The following VPS13C variants were observed in gnomAD, a reference collection of about 807,000 sequenced individuals.
VPS13C encodes intermembrane lipid transfer protein VPS13C.
VPS13C carries 358 observed loss-of-function variants against 456.8 expected under a neutral mutation model. The observed-to-expected ratio is 0.78, with a 90% CI of 0.72 to 0.86. The LOEUF is 0.86. Among genes scored for constraint, VPS13C ranks in the 40% least tolerant of loss-of-function variants. VPS13C has a pLI of 0.00. For missense variants in VPS13C, 4,818 were observed against 4,385.4 expected (o/e 1.10, Z -2.79); for synonymous variants, 1,578 against 1,486.7 (o/e 1.06, Z -1.41).
chr15:61,954,829 C>T (rs962838818), intron 37 of VPS13C, among the ~76,000 whole-genome samples: 5 of 152,120 alleles, frequency 3.3e-5, no homozygotes, highest in African/African-American at 1.2e-4. Flanking sequence ...AAGCGTGACA[C>T]TGTTATACAG....
rs1893747705 is a variant in VPS13C, at chr15:61,853,453, A to G, written c.*1004T>C. 1 of 152,200 alleles carries G rather than the reference A, an allele frequency of 6.6e-6. No individual in the cohort carries two copies. 9.4% of individuals were successfully genotyped at this position (152,200 alleles called of 1,614,324 possible). ...TTGAAAGAGGATGTAAATACTTCCA[A>G]ATTTTTATGAATGCTACATTACAGA... On this transcript the variant is annotated 3_prime_UTR_variant, in exon 85 of 85. Coordinates refer to ENST00000644861, the MANE Select transcript of VPS13C (RefSeq NM_020821.3).
At chr15:61,999,904 TAAAAA>T (rs71125961) in intron 16 of VPS13C, among the ~76,000 whole-genome samples, 1 of 116,256 alleles carries the variant, frequency 8.6e-6, no homozygotes, top group Non-Finnish European at 1.8e-5. Flanking sequence ...AAAGAAAAAG[TAAAAA>T]AAAAAAAAAA....
chr15:61,934,360 G>T (rs2044155151), intron 48 of VPS13C, 29 bp from the exon 49 acceptor site: 1 of 1,248,178 alleles, frequency 8.0e-7, no homozygotes, highest in Non-Finnish European at 1.1e-6. Flanking sequence ...AAGCTTTTAA[G>T]TAGGTACGTA....
At chr15:61,918,909 A>G (rs1260548595) in intron 58 of VPS13C, among the ~76,000 whole-genome samples, 5 of 152,106 alleles carry the variant, frequency 3.3e-5, no homozygotes, top group Non-Finnish European at 5.9e-5. Flanking sequence ...GCCTTCATAC[A>G]TATCTTGAAA....
intron 1 of VPS13C, among the ~76,000 whole-genome samples, chr15:62,059,495 T>C (rs1022539153): frequency 7.9e-5 from 12 of 152,204 alleles, no homozygotes; most frequent in Non-Finnish European, 5.9e-5. Flanking sequence ...TTAAGTACAC[T>C]ATTTCCTGAA....
intron 53 of VPS13C, among the ~76,000 whole-genome samples, chr15:61,923,208 G>GA (rs11377834): frequency 0.48 from 67,152 of 139,630 alleles, 15,760 homozygotes; most frequent in Middle Eastern, 0.66. Context: ...AAGATCTTCT[G>GA]AAAAAAAAAA....
intron 16 of VPS13C, among the ~76,000 whole-genome samples, chr15:61,994,944 ATAC>A (rs1339380899): frequency 6.6e-6 from 1 of 152,118 alleles, no homozygotes; most frequent in Admixed American, 6.6e-5. Flanking sequence ...TTGAAAATGG[ATAC>A]TACAATTTTT....
chr15:62,015,931 A>G (rs1161613389), intron 9 of VPS13C, among the ~76,000 whole-genome samples: 1 of 129,722 alleles, frequency 7.7e-6, no homozygotes, highest in African/African-American at 2.7e-5. Flanking sequence ...CTTAGAGTAT[A>G]ATAAAAATAA....
At chr15:61,928,538 G>A (rs1480762142) in intron 51 of VPS13C, among the ~76,000 whole-genome samples, 1 of 152,042 alleles carries the variant, frequency 6.6e-6, no homozygotes, top group Non-Finnish European at 1.5e-5. Context: ...TCCAATCTAG[G>A]TTATACATTA....
At position 61,911,791 on chromosome 15, in the gene VPS13C, T is replaced by C. The variant is rs567838593; in HGVS notation, c.8715+49A>G. 3.4e-5 allele frequency: 49 copies of C among 1,452,380 alleles called. No individual in the cohort carries two copies. The African/African-American group carries it at 6.6e-4, about 19-fold the overall frequency. 90.0% of individuals were successfully genotyped at this position (1,452,380 alleles called of 1,614,324 possible). On this transcript the variant is annotated intron_variant, in intron 63 of 84. Transcript: ENST00000644861. Reference sequence around the variant, plus strand: ...TATACAATTCTTATTTAGATGTCAATATTTATTTGTATATTTTAGGAATCA... The same window carrying C: ...TATACAATTCTTATTTAGATGTCAACATTTATTTGTATATTTTAGGAATCA...
intron 1 of VPS13C, among the ~76,000 whole-genome samples, chr15:62,046,233 A>T (rs1481815905): frequency 6.6e-6 from 1 of 152,188 alleles, no homozygotes; most frequent in Non-Finnish European, 1.5e-5. Flanking sequence ...AGTAAAACCG[A>T]AAATAAGGCA....
chr15:61,870,751 T>C (rs1284853919), intron 79 of VPS13C, among the ~76,000 whole-genome samples: 1 of 152,216 alleles, frequency 6.6e-6, no homozygotes, highest in African/African-American at 2.4e-5. Context: ...GTCCCACTAG[T>C]AGTGTATGAG....
At chr15:62,015,289 T>G (rs1435277674) in intron 9 of VPS13C, among the ~76,000 whole-genome samples, 2 of 152,184 alleles carry the variant, frequency 1.3e-5, no homozygotes, top group Non-Finnish European at 2.9e-5. Flanking sequence ...ACTAGTTTCC[T>G]CCCATGTTGT....
At chr15:61,949,298 G>A in intron 42 of VPS13C, 145 bp downstream of exon 42, 1 of 869,226 alleles carries the variant, frequency 1.2e-6, no homozygotes, top group Non-Finnish European at 1.8e-6. Flanking sequence ...TAATCCCATA[G>A]AGATAACATT....
intron 15 of VPS13C, among the ~76,000 whole-genome samples, chr15:62,001,557 T>C (rs1296201088): frequency 2.0e-5 from 3 of 152,218 alleles, no homozygotes; most frequent in African/African-American, 7.2e-5. Flanking sequence ...TTAGGGTACA[T>C]GTGCACAACG....
chr15:62,045,145 T>G (rs191580290), intron 1 of VPS13C, among the ~76,000 whole-genome samples: 1 of 152,246 alleles, frequency 6.6e-6, no homozygotes, highest in African/African-American at 2.4e-5. Flanking sequence ...ATCTCAAAAT[T>G]ATTAAACATT....
intron 32 of VPS13C, among the ~76,000 whole-genome samples, chr15:61,963,283 T>A (rs1462576066): frequency 1.3e-5 from 2 of 152,048 alleles, no homozygotes; most frequent in Non-Finnish European, 2.9e-5. Flanking sequence ...ATATTCAACA[T>A]ATTCTTGACC....
intron 47 of VPS13C, among the ~76,000 whole-genome samples, chr15:61,937,337 A>G (rs889849388): frequency 6.6e-6 from 1 of 152,252 alleles, no homozygotes; most frequent in Non-Finnish European, 1.5e-5. Flanking sequence ...GTAGCATCTT[A>G]TCTTTTACCT....
At position 61,934,250 on chromosome 15, in the gene VPS13C, G is replaced by C. The variant is rs1175097841; in HGVS notation, c.5837C>G (p.Ser1946Cys). The change falls in exon 49 of 85, where the codon TCC (serine) becomes TGC (cysteine). Residue 1946 changes from serine (S) to cysteine (C), a missense_variant. Ser to Cys is a moderately radical substitution (Grantham distance 112). Transcript: ENST00000644861. ...LQFDFHFESL[S>C]IILYNNDINQ... ...GATATCATTGTTATAAAGGATAATG[G>C]AAAGAGATTCAAAGTGAAAGTCAAA... The C allele has an allele frequency of 6.3e-7, 1 of 1,596,672 alleles. No individual in the cohort carries two copies. Among genetic ancestry groups the C allele is most frequent in the African/African-American group, 1.3e-5 (1 of 74,410 alleles).
Sources: gnomAD v4.1 joint callset for allele counts (sites outside exome capture counted in the v4.1 genomes callset) on GRCh38, gnomAD v4.1.1 for gene constraint, MANE v1.5 for transcripts, NCBI Gene and HGNC (gene_info 2026-07-23, HGNC 2026-07-21) for gene names.